The following DAB1 variants were observed in gnomAD, a reference collection of about 807,000 sequenced individuals.
The protein encoded by DAB1 is DAB adaptor protein 1.
Under a neutral mutation model 64.6 loss-of-function variants are expected in DAB1, and 15 were observed. The observed-to-expected ratio is 0.23, with a 90% CI of 0.16 to 0.36. DAB1 has a LOEUF of 0.36. Among genes scored for constraint, DAB1 ranks in the 10% least tolerant of loss-of-function variants. The pLI, the probability that DAB1 is intolerant of heterozygous loss-of-function variation, is 1.00. For missense variants in DAB1, 596 were observed against 706.7 expected, an observed-to-expected ratio of 0.84 and a Z score of 1.78; for synonymous variants, 235 against 251.9, an observed-to-expected ratio of 0.93 and a Z score of 0.64.
intron 2 of DAB1, among the ~76,000 whole-genome samples, chr1:57,231,149 T>C (rs2100429993): frequency 6.6e-6 from 1 of 152,234 alleles, no homozygotes; most frequent in East Asian, 1.9e-4. Flanking sequence ...AATGTAAAAT[T>C]AAAAAATTAT....
chr1:57,799,984 T>C (rs778192908), intron 6 of DAB1, among the ~76,000 whole-genome samples: 3 of 152,188 alleles, frequency 2.0e-5, no homozygotes, highest in Non-Finnish European at 4.4e-5. Context: ...ACTGGAGTCA[T>C]TGAATAATGG....
intron 6 of DAB1, among the ~76,000 whole-genome samples, chr1:57,712,545 G>A (rs1414154784): frequency 1.3e-5 from 2 of 152,108 alleles, no homozygotes; most frequent in Non-Finnish European, 2.9e-5. Flanking sequence ...AAATGAATTA[G>A]AATAGGATTC....
chr1:58,421,033 T>C (rs1401176618), intron 3 of DAB1, among the ~76,000 whole-genome samples: 1 of 152,192 alleles, frequency 6.6e-6, no homozygotes, highest in Non-Finnish European at 1.5e-5. Flanking sequence ...TGCCAAGATG[T>C]TAACTCTTAT....
chr1:58,476,613 T>C (rs1253076717), intron 3 of DAB1, among the ~76,000 whole-genome samples: 1 of 152,154 alleles, frequency 6.6e-6, no homozygotes, highest in Admixed American at 6.5e-5. Flanking sequence ...AGTGGGAGAT[T>C]TATCTCATCT....
At chr1:58,260,271 G>A (rs1557717333) in intron 4 of DAB1, among the ~76,000 whole-genome samples, 1 of 152,056 alleles carries the variant, frequency 6.6e-6, no homozygotes, top group Non-Finnish European at 1.5e-5. Flanking sequence ...TTTACACAAC[G>A]TCATACATCA....
chr1:58,251,407 C>T (rs1166101223), intron 4 of DAB1, among the ~76,000 whole-genome samples: 2 of 152,074 alleles, frequency 1.3e-5, no homozygotes, highest in Non-Finnish European at 2.9e-5. Context: ...TAGTAATAAT[C>T]GCTATTGACC....
At chr1:57,011,450 C>T (rs984293838) in intron 12 of DAB1, among the ~76,000 whole-genome samples, 178 bp from the exon 13 acceptor site, 1 of 152,190 alleles carries the variant, frequency 6.6e-6, no homozygotes, top group African/African-American at 2.4e-5. Context: ...TCTTTCCTCT[C>T]ACACATCTGA....
intron 9 of DAB1, among the ~76,000 whole-genome samples, chr1:57,043,757 T>C (rs1648103027): frequency 6.6e-6 from 1 of 151,486 alleles, no homozygotes; most frequent in Non-Finnish European, 1.5e-5. Flanking sequence ...TGAGGCAGGA[T>C]AATCTCTTGA....
intron 2 of DAB1, among the ~76,000 whole-genome samples, chr1:57,257,481 A>G (rs1314728053): frequency 1.3e-5 from 2 of 152,208 alleles, no homozygotes; most frequent in Non-Finnish European, 2.9e-5. Flanking sequence ...TAGAAAATGT[A>G]TTATTATCCC....
intron 5 of DAB1, among the ~76,000 whole-genome samples, chr1:58,009,376 A>C (rs1009315933): frequency 6.6e-6 from 1 of 152,160 alleles, no homozygotes. Flanking sequence ...TTCAAACTTC[A>C]TTTTTGCTGT....
At chr1:58,364,565 C>T (rs913067871) in intron 3 of DAB1, among the ~76,000 whole-genome samples, 4 of 152,188 alleles carry the variant, frequency 2.6e-5, no homozygotes, top group Non-Finnish European at 5.9e-5. Context: ...TCCACACCTA[C>T]CCTTTTTTGC....
intron 4 of DAB1, among the ~76,000 whole-genome samples, chr1:58,289,920 T>C (rs1014199709): frequency 6.6e-6 from 1 of 152,210 alleles, no homozygotes; most frequent in Non-Finnish European, 1.5e-5. Context: ...AATAAAGATA[T>C]TCTCACTTGT....
intron 5 of DAB1, among the ~76,000 whole-genome samples, chr1:57,930,132 C>T (rs1174052062): frequency 4.6e-5 from 7 of 152,176 alleles, no homozygotes; most frequent in Admixed American, 6.5e-5. Context: ...GTTGTTCTAG[C>T]ATCTTGTGTC....
intron 3 of DAB1, among the ~76,000 whole-genome samples, chr1:58,419,889 T>C (rs963305515): frequency 2.0e-5 from 3 of 152,228 alleles, no homozygotes; most frequent in Admixed American, 2.0e-4. Flanking sequence ...TAGATGGGCC[T>C]GGCTTCTGGC....
At chr1:57,860,802 C>T (rs1448776237) in intron 1 of DAB1, 1 of 152,184 alleles carries the variant, frequency 6.6e-6, no homozygotes, top group Non-Finnish European at 1.5e-5. Flanking sequence ...CTTTTGAGGC[C>T]TTCCAAAACA....
intron 2 of DAB1, among the ~76,000 whole-genome samples, chr1:57,235,146 G>A (rs1444419911): frequency 6.6e-6 from 1 of 152,204 alleles, no homozygotes; most frequent in South Asian, 2.1e-4. Flanking sequence ...CTAACACAGA[G>A]TTATGTCCAA....
intron 4 of DAB1, among the ~76,000 whole-genome samples, chr1:58,288,880 C>G (rs146445676): frequency 1.1e-3 from 162 of 152,266 alleles, no homozygotes; most frequent in African/African-American, 3.4e-3. Flanking sequence ...GGTCATATTT[C>G]TCTGCTCCTT....
At chr1:57,500,156 G>T (rs777533002) in intron 7 of DAB1, among the ~76,000 whole-genome samples, 17 of 152,170 alleles carry the variant, frequency 1.1e-4, no homozygotes, top group Non-Finnish European at 2.2e-4. Flanking sequence ...GAGAGATGTG[G>T]TCATTATTTT....
At chr1:58,209,751 A>G (rs1658459303) in intron 4 of DAB1, among the ~76,000 whole-genome samples, 1 of 152,212 alleles carries the variant, frequency 6.6e-6, no homozygotes, top group South Asian at 2.1e-4. Flanking sequence ...ATAGTTATGT[A>G]GCCCCTAGTA....
Sources: gnomAD v4.1 joint callset for allele counts (sites outside exome capture counted in the v4.1 genomes callset) on GRCh38, gnomAD v4.1.1 for gene constraint, MANE v1.5 for transcripts, NCBI Gene and HGNC (gene_info 2026-07-23, HGNC 2026-07-21) for gene names.